TCERG1L: variants seen among roughly 807,000 people sequenced by gnomAD.
TCERG1L encodes transcription elongation regulator 1 like.
In TCERG1L, 37 loss-of-function variants were observed where a neutral mutation model predicts 56.3. The ratio of observed to expected loss-of-function variants is 0.66; its 90% CI spans 0.51 to 0.87. TCERG1L has a LOEUF of 0.87. Among genes scored for constraint, TCERG1L ranks in the 40% least tolerant of loss-of-function variants. The pLI is 0.00. For missense variants in TCERG1L, 799 were observed against 774.2 expected, an observed-to-expected ratio of 1.03 and a Z score of -0.38; for synonymous variants, 324 against 326.3, an observed-to-expected ratio of 0.99 and a Z score of 0.08.
intron 4 of TCERG1L, among the ~76,000 whole-genome samples, chr10:131,250,888 C>T (rs553546676): frequency 7.9e-5 from 12 of 152,302 alleles, no homozygotes; most frequent in African/African-American, 1.9e-4. Flanking sequence ...CTCTTTCTCA[C>T]GGCTCCATGT....
intron 7 of TCERG1L, among the ~76,000 whole-genome samples, chr10:131,140,538 TC>T (rs1008557508): frequency 2.0e-5 from 3 of 151,896 alleles, no homozygotes; most frequent in Non-Finnish European, 4.4e-5. Flanking sequence ...TAACCTCAGG[TC>T]CCCCCCATCT....
intron 4 of TCERG1L, among the ~76,000 whole-genome samples, chr10:131,225,955 T>C (rs537185977): frequency 1.3e-5 from 2 of 152,328 alleles, no homozygotes; most frequent in South Asian, 4.1e-4. Context: ...ACGTATTTAT[T>C]TGAACAGGGT....
At chr10:131,176,861 GAC>G (rs1459455914) in intron 4 of TCERG1L, among the ~76,000 whole-genome samples, 6 of 151,408 alleles carry the variant, frequency 4.0e-5, no homozygotes, top group African/African-American at 1.5e-4. Flanking sequence ...AACACACAGA[GAC>G]ACGTGCACAC....
At chr10:131,273,259 A>C (rs1458053328) in intron 3 of TCERG1L, among the ~76,000 whole-genome samples, 1 of 152,146 alleles carries the variant, frequency 6.6e-6, no homozygotes, top group Non-Finnish European at 1.5e-5. Context: ...GGATGGCCAG[A>C]ATGGAGGCCC....
chr10:131,237,226 G>A (rs1845922204), intron 4 of TCERG1L, among the ~76,000 whole-genome samples: 1 of 152,084 alleles, frequency 6.6e-6, no homozygotes, highest in Non-Finnish European at 1.5e-5. Flanking sequence ...GCTTTGCCCA[G>A]AAGGTCATCT....
At position 131,132,669 on chromosome 10, in the gene TCERG1L, C is replaced by T. The variant is rs983467679; in HGVS notation, c.1259+1710G>A. On this transcript the variant is annotated intron_variant, in intron 8 of 11. Transcript: ENST00000368642. The stretch of plus-strand genomic sequence containing the variant: ...CAGCTTAGCTGAGGTCCACGTGTGA[C>T]GGTGAAATCAGAGAGGCTGCACTGG... Among the ~76,000 whole-genome samples, 110 of 152,356 alleles carry T rather than the reference C, an allele frequency of 7.2e-4. 1 individual carries two copies. Among genetic ancestry groups the T allele is most frequent in the African/African-American group, 2.3e-3 (96 of 41,588 alleles).
intron 4 of TCERG1L, among the ~76,000 whole-genome samples, chr10:131,182,076 T>C (rs1845185314): frequency 6.6e-6 from 1 of 152,088 alleles, no homozygotes; most frequent in African/African-American, 2.4e-5. Context: ...TGTGTGTGCA[T>C]GCATATGTGT....
rs558650189 is a variant in TCERG1L, at chr10:131,147,159, G to A, written c.1035-499C>T. ...CAGCAGCAGAATTAAAAGGGCTGCT[G>A]TCATTAGCAACCACAGCCCCGGTGT... On this transcript the variant is annotated intron_variant, in intron 6 of 11. Coordinates refer to ENST00000368642, the MANE Select transcript of TCERG1L (RefSeq NM_174937.4). 7.9e-5 allele frequency among the ~76,000 whole-genome samples: 12 copies of A among 152,302 alleles called. No homozygotes were observed. The South Asian group carries it at 2.3e-3, about 29-fold the overall frequency.
At chr10:131,189,556 C>G (rs1484218661) in intron 4 of TCERG1L, among the ~76,000 whole-genome samples, 1 of 152,000 alleles carries the variant, frequency 6.6e-6, no homozygotes, top group Non-Finnish European at 1.5e-5. Flanking sequence ...CTATATATAC[C>G]ACATTTCCTT....
At chr10:131,194,363 C>T (rs1340784115) in intron 4 of TCERG1L, among the ~76,000 whole-genome samples, 2 of 152,282 alleles carry the variant, frequency 1.3e-5, no homozygotes, top group East Asian at 1.9e-4. Context: ...AAAAGGCACC[C>T]GAATTCCTCT....
At chr10:131,295,453 G>T (rs760857666) in intron 3 of TCERG1L, among the ~76,000 whole-genome samples, 4 of 152,186 alleles carry the variant, frequency 2.6e-5, no homozygotes, top group Admixed American at 1.3e-4. Flanking sequence ...CCACCACGTG[G>T]TATTGCCAGG....
intron 3 of TCERG1L, among the ~76,000 whole-genome samples, chr10:131,298,059 C>T (rs1292930950): frequency 1.3e-5 from 2 of 150,892 alleles, no homozygotes; most frequent in Non-Finnish European, 3.0e-5. Flanking sequence ...TTAATTTCTG[C>T]TGTTATCTTT....
At chr10:131,176,473 C>T (rs549486944) in intron 4 of TCERG1L, among the ~76,000 whole-genome samples, 1 of 151,368 alleles carries the variant, frequency 6.6e-6, no homozygotes, top group African/African-American at 2.4e-5. Context: ...CATGCACACA[C>T]AGACACGTGT....
At chr10:131,202,001 C>T (rs112211041) in intron 4 of TCERG1L, among the ~76,000 whole-genome samples, 2,079 of 152,294 alleles carry the variant, frequency 0.014, 23 homozygotes, top group Non-Finnish European at 0.018. Context: ...TCCTGTAATG[C>T]GTTTCCGATG....
chr10:131,113,353 T>G (rs1845428037), intron 9 of TCERG1L, among the ~76,000 whole-genome samples: 1 of 142,162 alleles, frequency 7.0e-6, no homozygotes, highest in African/African-American at 2.5e-5. Flanking sequence ...TAGCCCTTTC[T>G]GTGCACGCGT....
intron 3 of TCERG1L, among the ~76,000 whole-genome samples, chr10:131,300,708 T>C (rs541612745): frequency 2.6e-5 from 4 of 152,332 alleles, no homozygotes; most frequent in African/African-American, 9.6e-5. Flanking sequence ...TAGGGTCTGA[T>C]TCTGTTGATT....
chr10:131,260,668 C>T lies in TCERG1L; in HGVS notation c.671-224G>A, dbSNP rs1048088492. Among the ~76,000 whole-genome samples the T allele has an allele frequency of 5.9e-5, 9 of 151,968 alleles. No individual in the cohort carries two copies. Among genetic ancestry groups the T allele is most frequent in the African/African-American group, 1.9e-4 (8 of 41,294 alleles). ...CCATGCAACCAGTGCACACACAGAGCCGTGTGATGCCCAGTGAGCTGCAAG... is the reference window on the plus strand; with the variant it reads ...CCATGCAACCAGTGCACACACAGAGTCGTGTGATGCCCAGTGAGCTGCAAG... On this transcript the variant is annotated intron_variant, in intron 3 of 11. Coordinates refer to ENST00000368642, the MANE Select transcript of TCERG1L (RefSeq NM_174937.4). The surrounding 1 kb of genome is among the most constrained non-coding windows in gnomAD (Gnocchi z 5.8).
intron 4 of TCERG1L, among the ~76,000 whole-genome samples, chr10:131,241,003 C>T (rs576239470): frequency 1.3e-5 from 2 of 152,190 alleles, no homozygotes; most frequent in African/African-American, 4.8e-5. Context: ...CGGGAAAGCA[C>T]GGCCAAGGTC....
rs563811845 is a variant in TCERG1L at position 131,113,083 on chromosome 10, C to A, written c.1395+3716G>T. Among the ~76,000 whole-genome samples, 66 of 142,674 alleles carry A rather than the reference C, an allele frequency of 4.6e-4. 12 individuals carry two copies. Among genetic ancestry groups the A allele is most frequent in the Admixed American group, 4.2e-3 (61 of 14,564 alleles). 93.6% of individuals were successfully genotyped at this position (142,674 alleles called of 152,430 possible). A position where few individuals can be genotyped will look rare whatever the true frequency, so the allele number is the denominator to read the frequency against. On this transcript the variant is annotated intron_variant, in intron 9 of 11. Transcript: ENST00000368642. ...TGCATCCCTGCGTTACCCTACCTCG[C>A]GGCACATCAATGCCTACCCCCATCT...
Sources: gnomAD v4.1 joint callset for allele counts (sites outside exome capture counted in the v4.1 genomes callset) on GRCh38, gnomAD v4.1.1 for gene constraint, Gnocchi (gnomAD v3.1) non-coding constraint, MANE v1.5 for transcripts, NCBI Gene and HGNC (gene_info 2026-07-23, HGNC 2026-07-21) for gene names.